Variants in BCKDHA observed in about 807,000 individuals in gnomAD.
BCKDHA encodes the protein 2-oxoisovalerate dehydrogenase subunit alpha, mitochondrial.
Under a neutral mutation model 52.2 loss-of-function variants are expected in BCKDHA, and 43 were observed. The observed-to-expected ratio is 0.82, with a 90% CI of 0.64 to 1.06. BCKDHA has a LOEUF of 1.06. Among genes scored for constraint, BCKDHA ranks in the 50% least tolerant of loss-of-function variants. The pLI is 0.00. For missense variants in BCKDHA, 527 were observed against 621.3 expected, an observed-to-expected ratio of 0.85 and a Z score of 1.61; for synonymous variants, 234 against 247.9, an observed-to-expected ratio of 0.94 and a Z score of 0.53.
At chr19:41,419,746 CT>C (rs201343587) in intron 5 of BCKDHA, among the ~76,000 whole-genome samples, 293 of 127,290 alleles carry the variant, frequency 2.3e-3, no homozygotes, top group Admixed American at 5.5e-3. Flanking sequence ...GCCCAGCCCA[CT>C]TTTTTTTTTT....
At chr19:41,418,750 G>A (rs1450721549) in intron 4 of BCKDHA, 1 of 448,914 alleles carries the variant, frequency 2.2e-6, no homozygotes, top group South Asian at 1.6e-5. Context: ...ATGTTGCTCA[G>A]GCTGGTCTCC....
At chr19:41,417,305 T>C (rs1488137901) in intron 4 of BCKDHA, among the ~76,000 whole-genome samples, 2 of 152,092 alleles carry the variant, frequency 1.3e-5, no homozygotes, top group Admixed American at 6.5e-5. Context: ...CACGAGCCAC[T>C]GAGCCTGACA....
intron 4 of BCKDHA, chr19:41,418,778 G>A (rs1287580667): frequency 6.7e-6 from 3 of 449,118 alleles, no homozygotes; most frequent in African/African-American, 2.0e-5. Flanking sequence ...GGGCTCAAGC[G>A]ATCCTCCAAC....
At chr19:41,410,006 G>A (rs1048427175) in intron 1 of BCKDHA, among the ~76,000 whole-genome samples, 3 of 152,028 alleles carry the variant, frequency 2.0e-5, no homozygotes, top group Non-Finnish European at 2.9e-5. Flanking sequence ...TCGCCATGTT[G>A]GCCACATTGA....
chr19:41,412,376 A>ACTTCT (rs2039263088), intron 3 of BCKDHA, among the ~76,000 whole-genome samples: 1 of 46,390 alleles, frequency 2.2e-5, no homozygotes, highest in Admixed American at 1.8e-4. Flanking sequence ...GTCTGTAGAT[A>ACTTCT]TTTCTTTTTT....
chr19:41,424,435 C>T lies in BCKDHA; in HGVS notation c.1168-3C>T. ...GCCTGCCCACTGCCCCATGTCCCCA[C>T]AGGTGATGGAGGCCTTTGAGCAGGC... On this transcript the variant is annotated splice_region_variant and splice_polypyrimidine_tract_variant and intron_variant, in intron 8 of 8. Coordinates refer to ENST00000269980, the MANE Select transcript of BCKDHA (RefSeq NM_000709.4). 6.2e-7 allele frequency: 1 copy of T among 1,613,992 alleles called. No individual in the cohort carries two copies. The highest frequency in any genetic ancestry group is 1.1e-5 in the South Asian group (1 of 91,090).
At chr19:41,407,025 G>A (rs1309401736) in intron 1 of BCKDHA, among the ~76,000 whole-genome samples, 2 of 150,066 alleles carry the variant, frequency 1.3e-5, no homozygotes, top group Non-Finnish European at 2.9e-5. Flanking sequence ...GCTGCACATC[G>A]CCACAGTTTG....
intron 1 of BCKDHA, among the ~76,000 whole-genome samples, chr19:41,406,930 G>A (rs2039199855): frequency 6.6e-6 from 1 of 151,920 alleles, no homozygotes; most frequent in African/African-American, 2.4e-5. Flanking sequence ...GACTCACTAT[G>A]TTGCCTAGGC....
intron 1 of BCKDHA, among the ~76,000 whole-genome samples, chr19:41,398,511 A>C (rs1382212810): frequency 6.6e-6 from 1 of 152,194 alleles, no homozygotes; most frequent in East Asian, 1.9e-4. Flanking sequence ...TGTTCTGGAC[A>C]CTGTACAGAG....
At chr19:41,407,313 A>G (rs58436091) in intron 1 of BCKDHA, among the ~76,000 whole-genome samples, 4,388 of 152,262 alleles carry the variant, frequency 0.029, 192 homozygotes, top group African/African-American at 0.099. Flanking sequence ...ACAATGAGCT[A>G]AGAAATTAGA....
chr19:41,408,808 G>A (rs76878345), intron 1 of BCKDHA, among the ~76,000 whole-genome samples: 1 of 151,994 alleles, frequency 6.6e-6, no homozygotes, highest in African/African-American at 2.4e-5. Context: ...TTGTAGAGAT[G>A]TGATCTCAGG....
At position 41,422,786 on chromosome 19, in the gene BCKDHA, C is replaced by A. The variant is rs1263684001; in HGVS notation, c.995+16C>A. The A allele has an allele frequency of 1.9e-6, 3 of 1,612,674 alleles. No homozygotes were observed. The Admixed American group carries it at 5.0e-5, about 27-fold the overall frequency. On this transcript the variant is annotated intron_variant, in intron 7 of 8. Coordinates refer to ENST00000269980, the MANE Select transcript of BCKDHA (RefSeq NM_000709.4). ...TGACCTACAGGTGCCTGCCGCTCCC[C>A]CCGTCAGCACCCCCACAGCACTGAC...
chr19:41,404,015 T>C (rs2123242733), intron 1 of BCKDHA, among the ~76,000 whole-genome samples: 1 of 152,212 alleles, frequency 6.6e-6, no homozygotes, highest in Non-Finnish European at 1.5e-5. Flanking sequence ...CTTGCTCTGT[T>C]TTCACCCAGG....
chr19:41,403,017 C>T (rs2123241205), intron 1 of BCKDHA, among the ~76,000 whole-genome samples: 1 of 152,252 alleles, frequency 6.6e-6, no homozygotes, highest in African/African-American at 2.4e-5. Context: ...TTGAATGTGC[C>T]TCCTCCCACC....
chr19:41,422,123 T>G (rs761966581), intron 5 of BCKDHA, 41 bp from the exon 6 acceptor site: 1 of 1,581,790 alleles, frequency 6.3e-7, no homozygotes, highest in South Asian at 1.1e-5. Context: ...TGAGTGCATG[T>G]GAGTCTCCGC....
chr19:41,422,147 C>CCT lies in BCKDHA; in HGVS notation c.647-13_647-12dup, dbSNP rs2039372578. 6.2e-7 allele frequency: 1 copy of CCT among 1,610,384 alleles called. No individual in the cohort carries two copies. The highest frequency in any genetic ancestry group is 1.7e-5 in the Admixed American group (1 of 59,702). On this transcript the variant is annotated splice_polypyrimidine_tract_variant and intron_variant, in intron 5 of 8. Coordinates refer to ENST00000269980, the MANE Select transcript of BCKDHA (RefSeq NM_000709.4). ...GTGAGTCTCCGCCCCTGCTCACCACCCTCTCATCCCCTGCAGCGGTGGGGG... is the reference window on the plus strand; with the variant it reads ...GTGAGTCTCCGCCCCTGCTCACCACCCTCTCTCATCCCCTGCAGCGGTGGGGG...
intron 8 of BCKDHA, 108 bp from the exon 9 acceptor site, chr19:41,424,330 G>C (rs528325929): frequency 1.6e-5 from 19 of 1,217,452 alleles, no homozygotes; most frequent in African/African-American, 8.9e-5. Context: ...TGTCGAGGTG[G>C]GAACACAAAG....
chr19:41,421,663 G>A (rs1271145465), intron 5 of BCKDHA, among the ~76,000 whole-genome samples: 1 of 152,112 alleles, frequency 6.6e-6, no homozygotes, highest in African/African-American at 2.4e-5. Flanking sequence ...CAAGGCCTTT[G>A]CCTGTTGCAG....
chr19:41,405,885 G>C (rs1012414239), intron 1 of BCKDHA, among the ~76,000 whole-genome samples: 11 of 152,224 alleles, frequency 7.2e-5, no homozygotes, highest in Admixed American at 2.6e-4. Context: ...CATGGTGGGA[G>C]AGGACGTGGC....
Sources: gnomAD v4.1 joint callset for allele counts (sites outside exome capture counted in the v4.1 genomes callset) on GRCh38, gnomAD v4.1.1 for gene constraint, MANE v1.5 for transcripts, NCBI Gene and HGNC (gene_info 2026-07-23, HGNC 2026-07-21) for gene names.